ZNF385D: variants seen among roughly 807,000 people sequenced by gnomAD.
ZNF385D encodes zinc finger protein 385D, also known as zinc finger protein 659.
In ZNF385D, 15 loss-of-function variants were observed where a neutral mutation model predicts 35.8. The observed-to-expected ratio is 0.42, with a 90% CI of 0.28 to 0.64. The LOEUF (loss-of-function observed/expected upper bound fraction) is 0.64, where lower values mean the gene tolerates loss of function less well. ZNF385D is among the 30% of genes least tolerant of loss of function. ZNF385D has a pLI of 0.23. For missense variants in ZNF385D, 474 were observed against 494.6 expected (o/e 0.96, Z 0.39); for synonymous variants, 212 against 186.8 (o/e 1.13, Z -1.10).
chr3:22,153,954 T>C (rs1025564436), intron 3 of ZNF385D, among the ~76,000 whole-genome samples: 2 of 152,178 alleles, frequency 1.3e-5, no homozygotes, highest in African/African-American at 4.8e-5. Flanking sequence ...TCTCCCTCTG[T>C]TAGTTCACAT....
At chr3:22,184,134 A>T (rs1695470016) in intron 2 of ZNF385D, among the ~76,000 whole-genome samples, 1 of 152,186 alleles carries the variant, frequency 6.6e-6, no homozygotes, top group South Asian at 2.1e-4. Context: ...TGACTGTAAC[A>T]TGTTCAAGTT....
At chr3:21,872,937 G>A (rs1697768880) in intron 3 of ZNF385D, among the ~76,000 whole-genome samples, 1 of 152,088 alleles carries the variant, frequency 6.6e-6, no homozygotes, top group Non-Finnish European at 1.5e-5. Context: ...TGGCTTTGGT[G>A]TGCATCCAAG....
intron 2 of ZNF385D, among the ~76,000 whole-genome samples, chr3:22,367,820 CAAAA>C (rs200827406): frequency 3.3e-5 from 5 of 152,042 alleles, no homozygotes; most frequent in African/African-American, 1.2e-4. Flanking sequence ...TATAAGATAA[CAAAA>C]AAAGTTAACA....
chr3:21,664,076 C>T (rs959379980), intron 2 of ZNF385D, among the ~76,000 whole-genome samples: 13 of 149,344 alleles, frequency 8.7e-5, no homozygotes, highest in African/African-American at 2.2e-4. Flanking sequence ...CTTTTAACAA[C>T]CACTGTTGTT....
chr3:21,595,545 G>GA (rs1305075595), intron 2 of ZNF385D, among the ~76,000 whole-genome samples: 1 of 151,116 alleles, frequency 6.6e-6, no homozygotes, highest in Non-Finnish European at 1.5e-5. Flanking sequence ...TACATAGTAG[G>GA]AAAACAGTAT....
intron 4 of ZNF385D, among the ~76,000 whole-genome samples, chr3:21,458,396 C>T (rs974218179): frequency 5.9e-5 from 9 of 151,300 alleles, no homozygotes; most frequent in African/African-American, 1.5e-4. Flanking sequence ...GTAGGAGGAT[C>T]GCTTGAGCCC....
chr3:21,966,270 T>A (rs1431895872), intron 3 of ZNF385D, among the ~76,000 whole-genome samples: 1 of 152,184 alleles, frequency 6.6e-6, no homozygotes, highest in Non-Finnish European at 1.5e-5. Flanking sequence ...TAGCACAGCT[T>A]TTAAAGCTTG....
chr3:22,083,405 A>C, intron 3 of ZNF385D, among the ~76,000 whole-genome samples: 1 of 152,354 alleles, frequency 6.6e-6, no homozygotes, highest in East Asian at 1.9e-4. Context: ...GATGGAGCTG[A>C]AAACCATGGC....
chr3:22,228,151 T>C (rs1007017709), intron 2 of ZNF385D, among the ~76,000 whole-genome samples: 74 of 152,062 alleles, frequency 4.9e-4, no homozygotes, highest in Non-Finnish European at 7.8e-4. Context: ...GAGATGGCAA[T>C]TGGTGAGACG....
intron 2 of ZNF385D, among the ~76,000 whole-genome samples, chr3:22,332,784 G>C (rs187350057): frequency 1.1e-4 from 17 of 152,238 alleles, no homozygotes; most frequent in Admixed American, 1.0e-3. Flanking sequence ...ATGGAATTCA[G>C]ACTAATAATT....
intron 3 of ZNF385D, among the ~76,000 whole-genome samples, chr3:21,527,606 A>G (rs1320806125): frequency 1.3e-5 from 2 of 152,158 alleles, no homozygotes; most frequent in Non-Finnish European, 2.9e-5. Context: ...CATTAACTTC[A>G]GGCTTTCCTC....
chr3:21,456,158 C>T (rs1004348762), intron 4 of ZNF385D, among the ~76,000 whole-genome samples: 9 of 152,264 alleles, frequency 5.9e-5, no homozygotes, highest in South Asian at 4.2e-4. Context: ...CTAGTTCAAC[C>T]ATTGTGGAAG....
chr3:21,716,288 C>G (rs1021549754), intron 1 of ZNF385D, among the ~76,000 whole-genome samples: 4 of 152,144 alleles, frequency 2.6e-5, no homozygotes, highest in African/African-American at 9.7e-5. Context: ...TCATTTATTC[C>G]TCAGAAACTG....
intron 3 of ZNF385D, among the ~76,000 whole-genome samples, chr3:22,063,446 G>C (rs898196054): frequency 6.6e-6 from 1 of 152,028 alleles, no homozygotes; most frequent in Non-Finnish European, 1.5e-5. Flanking sequence ...TCATCTGCAA[G>C]CAATTTATTT....
chr3:21,571,191 G>A (rs1183247832), intron 2 of ZNF385D, among the ~76,000 whole-genome samples: 1 of 152,132 alleles, frequency 6.6e-6, no homozygotes, highest in Non-Finnish European at 1.5e-5. Context: ...TCACCAGATA[G>A]TATTTTTACC....
intron 1 of ZNF385D, among the ~76,000 whole-genome samples, chr3:21,724,794 G>T (rs1205542637): frequency 2.0e-5 from 3 of 151,984 alleles, no homozygotes; most frequent in Non-Finnish European, 4.4e-5. Flanking sequence ...AGTTAACAAG[G>T]ATATTCAGGA....
At chr3:22,221,078 T>G (rs999018015) in intron 2 of ZNF385D, among the ~76,000 whole-genome samples, 1 of 152,116 alleles carries the variant, frequency 6.6e-6, no homozygotes, top group African/African-American at 2.4e-5. Context: ...TCTAATGCAG[T>G]TATTTACCAT....
chr3:21,593,296 C>T (rs2064035453), intron 2 of ZNF385D, among the ~76,000 whole-genome samples: 1 of 152,170 alleles, frequency 6.6e-6, no homozygotes, highest in Non-Finnish European at 1.5e-5. Context: ...AGCTTCAAGA[C>T]TGCCTTTAGC....
chr3:21,928,326 AGGAAGGAGGGAG>A (rs1290344288), intron 3 of ZNF385D, among the ~76,000 whole-genome samples: 1 of 134,382 alleles, frequency 7.4e-6, no homozygotes, highest in Non-Finnish European at 1.6e-5. Flanking sequence ...GGAGGAAGGA[AGGAAGGAGGGAG>A]GGAGGGAGGG....
Sources: gnomAD v4.1 joint callset for allele counts (sites outside exome capture counted in the v4.1 genomes callset) on GRCh38, gnomAD v4.1.1 for gene constraint, MANE v1.5 for transcripts, NCBI Gene and HGNC (gene_info 2026-07-23, HGNC 2026-07-21) for gene names.